Variants in ACSM3 observed in about 807,000 individuals in gnomAD.
The protein encoded by ACSM3 is acyl-coenzyme A synthetase ACSM3, mitochondrial.
Under a neutral mutation model 74.1 loss-of-function variants are expected in ACSM3, and 61 were observed. That is an observed-to-expected ratio of 0.82 (90% confidence interval 0.67 to 1.02). ACSM3 has a LOEUF of 1.02. Among genes scored for constraint, ACSM3 ranks in the 50% least tolerant of loss-of-function variants. The probability of loss-of-function intolerance (pLI) is 0.00; values close to 1 mark genes in which losing one functional copy is unlikely to be tolerated. For synonymous variants in ACSM3, 213 were observed against 241.5 expected (o/e 0.88, Z 1.09); for missense variants, 660 against 697.0 (o/e 0.95, Z 0.60).
chr16:20,691,138 G>A (rs2079646571), intron 1 of ACSM3: 1 of 1,612,706 alleles, frequency 6.2e-7, no homozygotes, highest in African/African-American at 1.3e-5. Flanking sequence ...GGATGTTGTG[G>A]AAGGATTTGT....
At chr16:20,771,938 G>A (rs1280312315) in intron 2 of ACSM3, among the ~76,000 whole-genome samples, 2 of 152,144 alleles carry the variant, frequency 1.3e-5, no homozygotes, top group South Asian at 2.1e-4. Context: ...TCTAACTGGG[G>A]TAAGATCATA....
At chr16:20,764,722 CA>C (rs1037766695) in intron 1 of ACSM3, 1 of 151,814 alleles carries the variant, frequency 6.6e-6, no homozygotes, top group Non-Finnish European at 1.5e-5. Flanking sequence ...GACTCCATCT[CA>C]AAAAAAAGAC....
At chr16:20,722,969 C>T (rs539506366) in intron 1 of ACSM3, among the ~76,000 whole-genome samples, 2 of 152,194 alleles carry the variant, frequency 1.3e-5, no homozygotes, top group South Asian at 2.1e-4. Context: ...TATACATGTG[C>T]CATGTTGCTG....
chr16:20,736,955 A>AT, intron 1 of ACSM3: 1 of 1,613,912 alleles, frequency 6.2e-7, no homozygotes, highest in Non-Finnish European at 8.5e-7. Flanking sequence ...CTCCTCCCTC[A>AT]TTTACCACCT....
intron 1 of ACSM3, among the ~76,000 whole-genome samples, chr16:20,702,040 T>C (rs1443065853): frequency 6.6e-6 from 1 of 152,220 alleles, no homozygotes; most frequent in East Asian, 1.9e-4. Context: ...TGATTTCTAA[T>C]CCTTTAGGTA....
chr16:20,698,641 T>C (rs1426421339), intron 1 of ACSM3, among the ~76,000 whole-genome samples: 1 of 152,082 alleles, frequency 6.6e-6, no homozygotes, highest in African/African-American at 2.4e-5. Flanking sequence ...CCCAAGTAGC[T>C]GGGATTATAG....
At chr16:20,682,447 A>T in intron 1 of ACSM3, 1 of 1,613,522 alleles carries the variant, frequency 6.2e-7, no homozygotes, top group Non-Finnish European at 8.5e-7. Context: ...GGATGGTCGC[A>T]GGAATGAAGA....
In ACSM3 at chr16:20,687,592, T is replaced by C. The variant is rs571603967; in HGVS notation, c.-190+12770T>C. Among the ~76,000 whole-genome samples, 12 of 152,144 alleles carry C rather than the reference T, an allele frequency of 7.9e-5. No homozygotes were observed. In the South Asian group the frequency reaches 2.5e-3, roughly 32 times the overall value. Reference sequence around the variant, plus strand: ...CAAAGGAGCAGGAAAACATGGCTCATTCAAGGGAGCAAAATAAATCTCCAG... The same window carrying C: ...CAAAGGAGCAGGAAAACATGGCTCACTCAAGGGAGCAAAATAAATCTCCAG... On this transcript the variant is annotated intron_variant, in intron 1 of 3. Transcript: ENST00000561584.
At chr16:20,715,810 T>C in intron 1 of ACSM3, among the ~76,000 whole-genome samples, 1 of 152,088 alleles carries the variant, frequency 6.6e-6, no homozygotes, top group Non-Finnish European at 1.5e-5. Context: ...TCCCAGCACT[T>C]AGTGGTGTAA....
At chr16:20,742,055 T>G in intron 1 of ACSM3, 2 of 1,375,560 alleles carry the variant, frequency 1.5e-6, no homozygotes, top group Non-Finnish European at 1.9e-6. Context: ...GCCATATAGC[T>G]TCTTCCACCC....
intron 1 of ACSM3, among the ~76,000 whole-genome samples, chr16:20,730,187 A>G (rs74011847): frequency 2.5e-3 from 383 of 152,286 alleles, no homozygotes; most frequent in African/African-American, 8.7e-3. Context: ...ACTCTATAGG[A>G]AAAACTACAG....
In ACSM3 at chr16:20,790,294, A is replaced by G. The variant is rs995904182; in HGVS notation, c.1225-293A>G. Among the ~76,000 whole-genome samples the G allele has an allele frequency of 2.0e-5, 3 of 152,164 alleles. No individual in the cohort carries two copies. The highest frequency in any genetic ancestry group is 7.2e-5 in the African/African-American group (3 of 41,450). On this transcript the variant is annotated intron_variant, in intron 9 of 13. Transcript: ENST00000289416. The surrounding 1 kb of genome is among the most constrained non-coding windows in gnomAD (Gnocchi z 4.0). ...TCCCTCATCCCTACAAAAAATAAAA[A>G]TAAACATTAGCTGAGCATAATGACA... is the stretch of plus-strand genomic sequence containing the variant.
intron 1 of ACSM3, among the ~76,000 whole-genome samples, chr16:20,683,123 T>C (rs1263171016): frequency 6.6e-6 from 1 of 150,790 alleles, no homozygotes; most frequent in Non-Finnish European, 1.5e-5. Context: ...CTTTTATTTA[T>C]TTATTTTTTT....
chr16:20,735,183 A>C (rs1316484330), intron 1 of ACSM3: 1 of 152,234 alleles, frequency 6.6e-6, no homozygotes, highest in African/African-American at 2.4e-5. Flanking sequence ...AACGTCTGCA[A>C]AATAGGCTAC....
intron 4 of ACSM3, 100 bp downstream of exon 4, chr16:20,777,680 A>C (rs2080272496): frequency 3.8e-6 from 4 of 1,052,492 alleles, no homozygotes; most frequent in Non-Finnish European, 5.6e-6. Flanking sequence ...AAATTAAAAC[A>C]ACAGGCAAAG....
chr16:20,715,393 C>T (rs946514465), intron 1 of ACSM3, among the ~76,000 whole-genome samples: 8 of 152,106 alleles, frequency 5.3e-5, no homozygotes, highest in Non-Finnish European at 1.0e-4. Context: ...CACCTGAGGT[C>T]AGGAGTTTGA....
intron 1 of ACSM3, among the ~76,000 whole-genome samples, chr16:20,685,819 CA>C (rs71842093): frequency 1.0e-4 from 5 of 50,194 alleles, no homozygotes; most frequent in South Asian, 1.7e-3. Context: ...GACTCCGTCT[CA>C]AAAAAAAAAA....
chr16:20,678,355 AC>A (rs1338404615), intron 1 of ACSM3, among the ~76,000 whole-genome samples: 1 of 152,202 alleles, frequency 6.6e-6, no homozygotes, highest in East Asian at 1.9e-4. Flanking sequence ...GCCATGGCTC[AC>A]TGCTATTACT....
At chr16:20,707,435 G>A (rs1310226201) in intron 1 of ACSM3, among the ~76,000 whole-genome samples, 1 of 152,158 alleles carries the variant, frequency 6.6e-6, no homozygotes, top group Admixed American at 6.5e-5. Flanking sequence ...AGCCCTCCTG[G>A]GGACCTGGAG....
Sources: allele counts gnomAD v4.1 joint callset (sites outside exome capture counted in the v4.1 genomes callset), GRCh38; gene constraint gnomAD v4.1.1; non-coding constraint Gnocchi (gnomAD v3.1); transcripts MANE v1.5; gene names NCBI Gene and HGNC (gene_info 2026-07-23, HGNC 2026-07-21).